CACNB2: variants seen among roughly 807,000 people sequenced by gnomAD.
CACNB2 encodes voltage-dependent L-type calcium channel subunit beta-2.
In CACNB2, 42 loss-of-function variants were observed where a neutral mutation model predicts 73.3. That is an observed-to-expected ratio of 0.57 (90% CI 0.45 to 0.74). The LOEUF (loss-of-function observed/expected upper bound fraction) is 0.74. Ranked by LOEUF, CACNB2 falls within the 30% of genes least tolerant of loss-of-function variation. CACNB2 has a pLI of 0.00. For missense variants in CACNB2, 940 were observed against 853.0 expected, an observed-to-expected ratio of 1.10 and a Z score of -1.27; for synonymous variants, 348 against 310.3, an observed-to-expected ratio of 1.12 and a Z score of -1.28.
chr10:18,424,647 A>G (rs1182335647), intron 3 of CACNB2, among the ~76,000 whole-genome samples: 2 of 152,074 alleles, frequency 1.3e-5, no homozygotes, highest in Admixed American at 1.3e-4. Flanking sequence ...TCATTACATT[A>G]TGTCTTACCA....
intron 2 of CACNB2, among the ~76,000 whole-genome samples, chr10:18,273,130 A>G (rs2038127597): frequency 6.6e-6 from 1 of 152,270 alleles, no homozygotes; most frequent in South Asian, 2.1e-4. Context: ...CAGTATTGGG[A>G]ACTGTGGCTG....
intron 4 of CACNB2, among the ~76,000 whole-genome samples, chr10:18,499,779 T>C (rs2050087212): frequency 1.0e-5 from 1 of 99,438 alleles, no homozygotes; most frequent in South Asian, 2.9e-4. Flanking sequence ...GAGACCAGCC[T>C]GGGCAACAGG....
At chr10:18,353,193 CA>C (rs1293426394) in intron 2 of CACNB2, among the ~76,000 whole-genome samples, 1 of 152,080 alleles carries the variant, frequency 6.6e-6, no homozygotes, top group African/African-American at 2.4e-5. Flanking sequence ...AGGTGGATCA[CA>C]AGGTCAGGAG....
chr10:18,152,734 AAAAAAC>A (rs1393455095), intron 2 of CACNB2, among the ~76,000 whole-genome samples: 2,965 of 108,678 alleles, frequency 0.027, 97 homozygotes, highest in East Asian at 0.053. Context: ...AAAAAAAAAC[AAAAAAC>A]AAAACACTAG....
At chr10:18,222,566 A>C (rs1479576757) in intron 2 of CACNB2, among the ~76,000 whole-genome samples, 1 of 152,210 alleles carries the variant, frequency 6.6e-6, no homozygotes, top group Non-Finnish European at 1.5e-5. Context: ...AGTACCGATC[A>C]TTTAGAGATG....
At chr10:18,502,993 A>T (rs7085332) in intron 5 of CACNB2, among the ~76,000 whole-genome samples, 93,011 of 152,020 alleles carry the variant, frequency 0.61, 29,579 homozygotes, top group East Asian at 0.97. Flanking sequence ...CTGTAAAGAT[A>T]ACCCTCTTAG....
At chr10:18,453,042 C>T (rs894761212) in intron 3 of CACNB2, among the ~76,000 whole-genome samples, 12 of 152,206 alleles carry the variant, frequency 7.9e-5, no homozygotes, top group African/African-American at 2.9e-4. Context: ...CTGTTTCTCT[C>T]CCCTGCTCAG....
At chr10:18,289,200 C>T (rs1307457966) in intron 2 of CACNB2, among the ~76,000 whole-genome samples, 5 of 151,618 alleles carry the variant, frequency 3.3e-5, no homozygotes, top group East Asian at 1.9e-4. Context: ...TTAATACTGC[C>T]TCTACCCCCG....
At chr10:18,203,558 T>C (rs1203635635) in intron 2 of CACNB2, among the ~76,000 whole-genome samples, 1 of 152,124 alleles carries the variant, frequency 6.6e-6, no homozygotes, top group African/African-American at 2.4e-5. Context: ...GATGACTTAA[T>C]GAGGGGGAAA....
At chr10:18,259,570 A>AAAAAAAAAAAC (rs1554779378) in intron 2 of CACNB2, among the ~76,000 whole-genome samples, 6 of 116,942 alleles carry the variant, frequency 5.1e-5, no homozygotes, top group Non-Finnish European at 7.1e-5. Context: ...CAAACAAAAA[A>AAAAAAAAAAAC]AAAAAGTAAA....
At chr10:18,204,261 A>G (rs2035003923) in intron 2 of CACNB2, among the ~76,000 whole-genome samples, 3 of 152,214 alleles carry the variant, frequency 2.0e-5, no homozygotes, top group Admixed American at 2.0e-4. Flanking sequence ...AAACTTTTGT[A>G]TAAAGTGTCA....
At chr10:18,314,567 C>G (rs1179207019) in intron 2 of CACNB2, among the ~76,000 whole-genome samples, 1 of 151,818 alleles carries the variant, frequency 6.6e-6, no homozygotes, top group Non-Finnish European at 1.5e-5. Context: ...AGTTCATCTT[C>G]CCACATTTGT....
At chr10:18,393,362 CTAATTT>C (rs1052926770) in intron 2 of CACNB2, among the ~76,000 whole-genome samples, 1 of 152,148 alleles carries the variant, frequency 6.6e-6, no homozygotes, top group African/African-American at 2.4e-5. Flanking sequence ...AATTGCCCCT[CTAATTT>C]TAACTTTTTC....
At chr10:18,424,735 G>A (rs897563448) in intron 3 of CACNB2, among the ~76,000 whole-genome samples, 4 of 152,140 alleles carry the variant, frequency 2.6e-5, no homozygotes, top group African/African-American at 9.7e-5. Flanking sequence ...TAATCAAGGT[G>A]TTCTTTTGAG....
intron 2 of CACNB2, among the ~76,000 whole-genome samples, chr10:18,366,576 G>T (rs1390387111): frequency 6.6e-6 from 1 of 151,994 alleles, no homozygotes; most frequent in Non-Finnish European, 1.5e-5. Context: ...GGGCAGAGTG[G>T]CTCACGCCTG....
At chr10:18,410,253 G>A (rs1009728387) in intron 3 of CACNB2, among the ~76,000 whole-genome samples, 55 of 152,076 alleles carry the variant, frequency 3.6e-4, no homozygotes, top group African/African-American at 1.3e-3. Context: ...ACTCTCATCT[G>A]GTTTCCTGTT....
In CACNB2 at chr10:18,151,548, C is replaced by T. The variant is rs1441622643; in HGVS notation, c.213+573C>T. ...TTCCTGCCAAGCAGCCTGGAACAGT[C>T]CCCTAAACAGACAGTGCCAGGCTCC... On this transcript the variant is annotated intron_variant, in intron 2 of 13. Coordinates refer to ENST00000324631, the MANE Select transcript of CACNB2 (RefSeq NM_201596.3). 3.9e-5 allele frequency among the ~76,000 whole-genome samples: 6 copies of T among 152,146 alleles called. No individual in the cohort carries two copies. In the East Asian group the frequency reaches 1.2e-3, roughly 29 times the overall value.
chr10:18,459,498 A>G (rs2047452083), intron 3 of CACNB2, among the ~76,000 whole-genome samples: 1 of 152,336 alleles, frequency 6.6e-6, no homozygotes, highest in East Asian at 1.9e-4. Flanking sequence ...ACAGCCATAC[A>G]GTGGTGCTGC....
At chr10:18,303,850 G>A (rs1202350966) in intron 2 of CACNB2, among the ~76,000 whole-genome samples, 1 of 152,120 alleles carries the variant, frequency 6.6e-6, no homozygotes, top group Non-Finnish European at 1.5e-5. Flanking sequence ...CTCAGACAAT[G>A]AATTGCAAAG....
Sources: allele counts gnomAD v4.1 joint callset (sites outside exome capture counted in the v4.1 genomes callset), GRCh38; gene constraint gnomAD v4.1.1; transcripts MANE v1.5; gene names NCBI Gene and HGNC (gene_info 2026-07-23, HGNC 2026-07-21).